Variants in POR observed in about 807,000 individuals in gnomAD.
POR encodes the protein cytochrome p450 oxidoreductase.
A neutral mutation model predicts 84.0 loss-of-function variants in POR; 56 were observed. The ratio of observed to expected loss-of-function variants is 0.67; its 90% CI spans 0.54 to 0.83. The LOEUF is 0.83. POR is among the 40% of genes least tolerant of loss of function. POR has a pLI of 0.00. For missense variants in POR, 938 were observed against 944.3 expected (o/e 0.99, Z 0.09); for synonymous variants, 414 against 400.5 (o/e 1.03, Z -0.40).
chr7:75,983,983 A>C (rs982337248), intron 10 of POR, 127 bp downstream of exon 10: 10 of 660,848 alleles, frequency 1.5e-5, no homozygotes, highest in Admixed American at 6.6e-5. Context: ...TTGCACCGAG[A>C]CTCCACGGTT....
chr7:75,985,628 C>A lies in POR; in HGVS notation c.1448C>A (p.Thr483Asn). 1 of 1,591,426 alleles carries A rather than the reference C, an allele frequency of 6.3e-7. No homozygotes were observed. ...TGTGCGGTGGTTGTGGAGTACGAGA[C>A]CAAGGCTGGCCGCATCAACAAGGGC... is the stretch of plus-strand genomic sequence containing the variant. The change falls in exon 13 of 16, where the codon ACC (threonine) becomes AAC (asparagine). Residue 483 changes from threonine to asparagine, a missense_variant. Physicochemically the swap from Thr to Asn is moderately conservative, Grantham distance 65. Coordinates refer to ENST00000461988, the MANE Select transcript of POR (RefSeq NM_000941.3).
chr7:75,978,006 G>A (rs1788776535), intron 3 of POR, among the ~76,000 whole-genome samples: 2 of 152,298 alleles, frequency 1.3e-5, no homozygotes, highest in East Asian at 1.9e-4. Context: ...AGCTGCTGGA[G>A]GAGGAGGGTG....
intron 1 of POR, among the ~76,000 whole-genome samples, chr7:75,928,784 G>A (rs550746713): frequency 7.6e-4 from 116 of 152,214 alleles, no homozygotes; most frequent in African/African-American, 2.6e-3. Flanking sequence ...TGTGTGATGT[G>A]GTGGGTCTCT....
intron 2 of POR, among the ~76,000 whole-genome samples, chr7:75,961,584 C>A (rs1487911618): frequency 6.6e-6 from 1 of 152,130 alleles, no homozygotes; most frequent in East Asian, 1.9e-4. Context: ...ACGCCTCCAG[C>A]CCCCAGTTTT....
At chr7:75,972,543 G>T in intron 3 of POR, 82 bp downstream of exon 3, 1 of 1,328,700 alleles carries the variant, frequency 7.5e-7, no homozygotes. Flanking sequence ...GACGGCTGGC[G>T]TCACCGCATA....
chr7:75,960,782 C>T (rs2868178), intron 2 of POR, among the ~76,000 whole-genome samples: 47,676 of 151,990 alleles, frequency 0.31, 7,772 homozygotes, highest in East Asian at 0.45. Flanking sequence ...AGTGCGGGGC[C>T]GCCTGTCGGA....
intron 1 of POR, among the ~76,000 whole-genome samples, chr7:75,953,356 TA>T (rs781821579): frequency 0.013 from 1,544 of 122,316 alleles, 8 homozygotes; most frequent in Middle Eastern, 0.03. Flanking sequence ...CTTTGTCTCT[TA>T]AAAAAAAAAA....
intron 2 of POR, among the ~76,000 whole-genome samples, chr7:75,955,474 C>T (rs1272898341): frequency 3.3e-5 from 5 of 152,170 alleles, no homozygotes; most frequent in Admixed American, 6.5e-5. Flanking sequence ...CCTGCGGTTA[C>T]GCTTGGCTGT....
At chr7:75,936,092 T>C (rs1180089822) in intron 1 of POR, among the ~76,000 whole-genome samples, 4 of 137,052 alleles carry the variant, frequency 2.9e-5, no homozygotes, top group South Asian at 2.6e-4. Flanking sequence ...CTTTCTTTTT[T>C]TTTTTTTTTT....
intron 1 of POR, among the ~76,000 whole-genome samples, chr7:75,937,394 C>A (rs1554550989): frequency 6.8e-6 from 1 of 147,502 alleles, no homozygotes; most frequent in African/African-American, 2.5e-5. Flanking sequence ...ATTGCTTGAA[C>A]CTGGGAGGCG....
chr7:75,921,877 T>C (rs1031223579), intron 1 of POR, among the ~76,000 whole-genome samples: 3 of 151,926 alleles, frequency 2.0e-5, no homozygotes, highest in African/African-American at 7.3e-5. Context: ...TAGCTAATTT[T>C]TGTATTTCTA....
chr7:75,922,316 G>C (rs1200302061), intron 1 of POR, among the ~76,000 whole-genome samples: 1 of 146,000 alleles, frequency 6.8e-6, no homozygotes, highest in Non-Finnish European at 1.5e-5. Context: ...GGTCTGATCT[G>C]TAGTTTTTTT....
chr7:75,959,315 C>T (rs1246012204), intron 2 of POR, among the ~76,000 whole-genome samples: 3 of 152,132 alleles, frequency 2.0e-5, no homozygotes, highest in East Asian at 1.9e-4. Context: ...CCCTGGCTAC[C>T]GGTATTTCAG....
intron 1 of POR, among the ~76,000 whole-genome samples, chr7:75,924,014 AT>A (rs367764188): frequency 2.6e-5 from 4 of 152,092 alleles, no homozygotes; most frequent in African/African-American, 9.7e-5. Context: ...CTGAAATCAC[AT>A]TTTGTGGAGA....
chr7:75,977,612 C>T (rs782123247), intron 3 of POR, among the ~76,000 whole-genome samples: 1 of 152,148 alleles, frequency 6.6e-6, no homozygotes, highest in Non-Finnish European at 1.5e-5. Flanking sequence ...CCAGTCTCTA[C>T]TAAAAATTCA....
chr7:75,924,464 T>A (rs1807022071), intron 1 of POR, among the ~76,000 whole-genome samples: 1 of 152,178 alleles, frequency 6.6e-6, no homozygotes. Context: ...GACGGATCAC[T>A]AGAGCCCAGG....
intron 3 of POR, among the ~76,000 whole-genome samples, chr7:75,978,616 C>T (rs1788813321): frequency 6.6e-6 from 1 of 151,852 alleles, no homozygotes; most frequent in Non-Finnish European, 1.5e-5. Context: ...CTCTGCCTCC[C>T]AGGTCCAAGC....
chr7:75,981,105 G>A lies in POR; in HGVS notation c.574G>A (p.Asp192Asn), dbSNP rs782332285. Residue 192 changes from aspartate (D) to asparagine (N), a missense_variant, in exon 6 of 16, where the codon GAC becomes AAC. Asp to Asn is a conservative substitution (Grantham distance 23, BLOSUM62 1). Coordinates refer to ENST00000461988, the MANE Select transcript of POR (RefSeq NM_000941.3). The stretch of plus-strand genomic sequence containing the variant: ...CTTCAATGCCATGGGCAAGTACGTG[G>A]ACAAGCGGCTGGAGCAGCTCGGCGC... The A allele has an allele frequency of 1.3e-6, 2 of 1,569,412 alleles. No homozygotes were observed. Among genetic ancestry groups the A allele is most frequent in the Non-Finnish European group, 1.7e-6 (2 of 1,158,186 alleles).
In POR at chr7:75,936,826, T is replaced by A. The variant is rs1554550879; in HGVS notation, c.-4-17163T>A. Among the ~76,000 whole-genome samples the A allele has an allele frequency of 7.1e-3, 680 of 95,850 alleles. 3 individuals carry two copies. Among genetic ancestry groups the A allele is most frequent in the African/African-American group, 0.042 (558 of 13,182 alleles). The allele number at this position is 95,850 out of a possible 152,430, so 62.9% of individuals were successfully genotyped here. On this transcript the variant is annotated intron_variant, in intron 1 of 15. Coordinates refer to ENST00000461988, the MANE Select transcript of POR (RefSeq NM_000941.3). ...TCTGTTTCTCTTATTATTATTAATT[T>A]TTTTTTTTTTTTTTTTTTGAGACCG...
Sources: gnomAD v4.1 joint callset for allele counts (sites outside exome capture counted in the v4.1 genomes callset) on GRCh38, gnomAD v4.1.1 for gene constraint, MANE v1.5 for transcripts, NCBI Gene and HGNC (gene_info 2026-07-23, HGNC 2026-07-21) for gene names.